The following RNF217 variants were observed in gnomAD, a reference collection of about 807,000 sequenced individuals.
RNF217 encodes E3 ubiquitin-protein ligase RNF217.
A neutral mutation model predicts 57.8 loss-of-function variants in RNF217; 31 were observed. The observed-to-expected ratio is 0.54, with a 90% confidence interval of 0.40 to 0.72. The LOEUF is 0.72. Ranked by LOEUF, RNF217 falls within the 30% of genes least tolerant of loss-of-function variation. The probability of loss-of-function intolerance (pLI) is 0.00; values close to 1 mark genes in which losing one functional copy is unlikely to be tolerated. For synonymous variants in RNF217, 313 were observed against 294.0 expected, an observed-to-expected ratio of 1.06 and a Z score of -0.66; for missense variants, 696 against 708.3, an observed-to-expected ratio of 0.98 and a Z score of 0.20.
chr6:125,046,905 A>G (rs1787118345), intron 2 of RNF217, among the ~76,000 whole-genome samples: 1 of 152,050 alleles, frequency 6.6e-6, no homozygotes, highest in African/African-American at 2.4e-5. Flanking sequence ...TTAGAAAAAA[A>G]TCCTATTTTT....
chr6:125,082,563 T>C, intron 5 of RNF217: 1 of 1,611,744 alleles, frequency 6.2e-7, no homozygotes, highest in East Asian at 2.2e-5. Flanking sequence ...CTGAAACAAG[T>C]GTGAGTATCA....
chr6:125,031,728 C>G (rs1786369943), intron 1 of RNF217, among the ~76,000 whole-genome samples: 1 of 152,222 alleles, frequency 6.6e-6, no homozygotes, highest in South Asian at 2.1e-4. Flanking sequence ...AAGTTCCAAA[C>G]TTTCCCACAT....
intron 3 of RNF217, among the ~76,000 whole-genome samples, chr6:125,060,890 C>A (rs976820276): frequency 7.2e-5 from 11 of 152,106 alleles, no homozygotes; most frequent in Non-Finnish European, 2.9e-5. Context: ...TGGTCTTTCA[C>A]CCTATTTAAA....
rs1788820003 is a variant in RNF217, at chr6:125,087,982, TC to T, written c.*5050del. 1 of 149,106 alleles carries T rather than the reference TC, an allele frequency of 6.7e-6. No homozygotes were observed. The highest frequency in any genetic ancestry group is 2.1e-4 in the South Asian group (1 of 4,780). 9.2% of individuals were successfully genotyped at this position (149,106 alleles called of 1,614,324 possible). On this transcript the variant is annotated 3_prime_UTR_variant, in exon 6 of 6. Transcript: ENST00000521654. ...AAGTTATAATTTAATTATGATACTG[TC>T]CCCCTAATATGGAAAATAAGTTACA...
intron 1 of RNF217, among the ~76,000 whole-genome samples, chr6:124,998,746 A>G (rs1266666697): frequency 6.6e-6 from 1 of 152,224 alleles, no homozygotes; most frequent in Non-Finnish European, 1.5e-5. Context: ...GGCTGCAGTG[A>G]GCCATCGCAC....
chr6:125,072,394 G>A (rs1049656537), intron 3 of RNF217, among the ~76,000 whole-genome samples: 3 of 152,130 alleles, frequency 2.0e-5, no homozygotes, highest in African/African-American at 7.2e-5. Flanking sequence ...AAATGTACAA[G>A]GTTACTATAG....
chr6:124,986,026 G>A (rs1217144085), intron 1 of RNF217, among the ~76,000 whole-genome samples: 1 of 152,156 alleles, frequency 6.6e-6, no homozygotes, highest in African/African-American at 2.4e-5. Context: ...GGGCCTTTGG[G>A]AGGTGATATA....
intron 1 of RNF217, chr6:124,983,244 T>C (rs1450028174): frequency 1.1e-5 from 4 of 360,328 alleles, no homozygotes; most frequent in African/African-American, 8.8e-5. Context: ...CCCAAAAAGG[T>C]TTAGAGCCAC....
chr6:125,034,181 C>T (rs1476642396), intron 1 of RNF217, among the ~76,000 whole-genome samples: 1 of 152,136 alleles, frequency 6.6e-6, no homozygotes, highest in Non-Finnish European at 1.5e-5. Context: ...TTTTGCTGTG[C>T]AGAAGCTCTT....
intron 1 of RNF217, among the ~76,000 whole-genome samples, chr6:125,041,389 G>A (rs1490761101): frequency 6.6e-6 from 1 of 152,028 alleles, no homozygotes; most frequent in African/African-American, 2.4e-5. Context: ...TCCAAGAAGA[G>A]CATGTCAGTC....
chr6:124,970,329 T>A (rs556381975), intron 1 of RNF217, among the ~76,000 whole-genome samples: 18 of 152,302 alleles, frequency 1.2e-4, no homozygotes, highest in African/African-American at 4.3e-4. Flanking sequence ...ACTAGAGTGA[T>A]ACAGGCGAAC....
At chr6:124,995,870 C>T (rs985736554) in intron 1 of RNF217, among the ~76,000 whole-genome samples, 16 of 151,924 alleles carry the variant, frequency 1.1e-4, no homozygotes, top group African/African-American at 3.1e-4. Flanking sequence ...TGCAGTGAGC[C>T]GAGATCGTGT....
intron 3 of RNF217, among the ~76,000 whole-genome samples, chr6:125,075,665 C>G (rs1454643697): frequency 6.6e-6 from 1 of 152,004 alleles, no homozygotes; most frequent in Non-Finnish European, 1.5e-5. Context: ...AATACAGAGC[C>G]AAACCATATC....
intron 1 of RNF217, among the ~76,000 whole-genome samples, chr6:124,979,605 G>T (rs765777088): frequency 6.6e-6 from 1 of 152,202 alleles, no homozygotes; most frequent in African/African-American, 2.4e-5. Context: ...CAATGAGGTT[G>T]CAGCAGCACA....
intron 3 of RNF217, among the ~76,000 whole-genome samples, chr6:125,076,337 A>G (rs1027131798): frequency 1.3e-5 from 2 of 152,212 alleles, no homozygotes; most frequent in African/African-American, 4.8e-5. Context: ...AAGCATTTTA[A>G]ATTGCCTCCT....
chr6:125,046,681 C>G (rs1406034171), intron 2 of RNF217: 1 of 455,730 alleles, frequency 2.2e-6, no homozygotes. Context: ...TGGTCATGTT[C>G]CCTTTCTTGA....
chr6:124,999,937 A>G (rs1267686275), intron 1 of RNF217, among the ~76,000 whole-genome samples: 1 of 152,204 alleles, frequency 6.6e-6, no homozygotes, highest in East Asian at 1.9e-4. Context: ...AATTGACAAG[A>G]TCAGTTTAAT....
chr6:124,967,004 C>T (rs902348276), intron 1 of RNF217, among the ~76,000 whole-genome samples: 3 of 152,210 alleles, frequency 2.0e-5, no homozygotes, highest in Non-Finnish European at 2.9e-5. Flanking sequence ...AGCTGCCATC[C>T]AGTTTCTGAT....
intron 1 of RNF217, among the ~76,000 whole-genome samples, chr6:125,027,110 G>C (rs1224351891): frequency 6.6e-6 from 1 of 152,010 alleles, no homozygotes; most frequent in Non-Finnish European, 1.5e-5. Flanking sequence ...ACATCATGGA[G>C]AATGAGGTAT....
Sources: allele counts gnomAD v4.1 joint callset (sites outside exome capture counted in the v4.1 genomes callset), GRCh38; gene constraint gnomAD v4.1.1; transcripts MANE v1.5; gene names NCBI Gene and HGNC (gene_info 2026-07-23, HGNC 2026-07-21).